Variants in ADAMTS19 observed in about 807,000 individuals in gnomAD.
The protein encoded by ADAMTS19 is A disintegrin and metalloproteinase with thrombospondin motifs 19.
ADAMTS19 carries 93 observed loss-of-function variants against 153.3 expected under a neutral mutation model. The observed-to-expected ratio is 0.61, with a 90% CI of 0.51 to 0.72. The LOEUF is 0.72. ADAMTS19 is among the 30% of genes least tolerant of loss of function. ADAMTS19 has a pLI of 0.00. For missense variants in ADAMTS19, 1,482 were observed against 1,552.1 expected (o/e 0.95, Z 0.76); for synonymous variants, 600 against 556.6 (o/e 1.08, Z -1.10).
intron 8 of ADAMTS19, among the ~76,000 whole-genome samples, chr5:129,608,304 A>G (rs1415448534): frequency 6.6e-6 from 1 of 151,738 alleles, no homozygotes; most frequent in Non-Finnish European, 1.5e-5. Context: ...AGTCAAACTC[A>G]TAGTAACAGA....
intron 10 of ADAMTS19, among the ~76,000 whole-genome samples, chr5:129,630,192 A>C (rs1752225728): frequency 6.6e-6 from 1 of 152,130 alleles, no homozygotes; most frequent in Non-Finnish European, 1.5e-5. Flanking sequence ...AATTGAAATA[A>C]AGTAATGGCA....
Position 129,716,742 on chromosome 5 carries a change from AAC to A in ADAMTS19, c.3312+12353_3312+12354del, listed in dbSNP as rs1010610574. Among the ~76,000 whole-genome samples, 196 of 152,212 alleles carry A rather than the reference AAC, an allele frequency of 1.3e-3. 1 individual carries two copies. The highest frequency in any genetic ancestry group is 4.5e-3 in the African/African-American group (189 of 41,540). ...TCCTATATTTCACCAGAATTAGAGTAACAGTTTCCTTACCTGCATACTCCTCC... is the reference window on the plus strand; with the variant it reads ...TCCTATATTTCACCAGAATTAGAGTAAGTTTCCTTACCTGCATACTCCTCC... On this transcript the variant is annotated intron_variant, in intron 21 of 22. Coordinates refer to ENST00000274487, the MANE Select transcript of ADAMTS19 (RefSeq NM_133638.6).
At chr5:129,681,109 A>G (rs1282199219) in intron 17 of ADAMTS19, among the ~76,000 whole-genome samples, 3 of 152,218 alleles carry the variant, frequency 2.0e-5, no homozygotes, top group Non-Finnish European at 4.4e-5. Context: ...ATTTGTCTTC[A>G]ATTGGAGACA....
chr5:129,608,904 G>A (rs1177651697), intron 8 of ADAMTS19, among the ~76,000 whole-genome samples: 1 of 150,604 alleles, frequency 6.6e-6, no homozygotes, highest in Non-Finnish European at 1.5e-5. Flanking sequence ...TGCATATAAA[G>A]TATATCATCT....
chr5:129,644,989 A>G (rs575962312), intron 11 of ADAMTS19, among the ~76,000 whole-genome samples: 6 of 152,218 alleles, frequency 3.9e-5, no homozygotes, highest in African/African-American at 7.2e-5. Context: ...CTTCCACAAT[A>G]TATGTACAAG....
intron 6 of ADAMTS19, among the ~76,000 whole-genome samples, chr5:129,547,528 T>C (rs1752905366): frequency 6.7e-6 from 1 of 150,122 alleles, no homozygotes; most frequent in Non-Finnish European, 1.5e-5. Context: ...ACTTTCAAAG[T>C]AGCCAAAAAA....
intron 8 of ADAMTS19, among the ~76,000 whole-genome samples, chr5:129,603,753 C>G (rs1246362627): frequency 1.3e-5 from 2 of 152,114 alleles, no homozygotes; most frequent in Non-Finnish European, 2.9e-5. Flanking sequence ...TCTGCTCCCA[C>G]CTAAAGATGG....
chr5:129,660,444 A>G (rs1753773254), intron 15 of ADAMTS19, among the ~76,000 whole-genome samples: 1 of 152,038 alleles, frequency 6.6e-6, no homozygotes, highest in Non-Finnish European at 1.5e-5. Flanking sequence ...AGCATATTAG[A>G]GTTTTTAAAG....
At chr5:129,471,624 A>T (rs1750072769) in intron 2 of ADAMTS19, among the ~76,000 whole-genome samples, 1 of 151,768 alleles carries the variant, frequency 6.6e-6, no homozygotes, top group African/African-American at 2.4e-5. Context: ...TGTGATGGGG[A>T]TTTGTTTTAC....
intron 7 of ADAMTS19, among the ~76,000 whole-genome samples, chr5:129,563,981 G>A (rs1268887557): frequency 1.3e-5 from 2 of 151,936 alleles, no homozygotes; most frequent in African/African-American, 2.4e-5. Context: ...GTGCAGTGGC[G>A]CAATCTCGGC....
At chr5:129,680,267 G>A (rs1034878240) in intron 17 of ADAMTS19, among the ~76,000 whole-genome samples, 3 of 152,096 alleles carry the variant, frequency 2.0e-5, no homozygotes, top group Admixed American at 6.6e-5. Context: ...AAATCACAGC[G>A]TTTTATATAT....
At chr5:129,662,387 G>GA (rs1175200860) in intron 15 of ADAMTS19, among the ~76,000 whole-genome samples, 1 of 152,158 alleles carries the variant, frequency 6.6e-6, no homozygotes, top group Non-Finnish European at 1.5e-5. Flanking sequence ...CTTATTTACT[G>GA]AAAGTATTTA....
At chr5:129,495,262 C>T (rs2126698745) in intron 2 of ADAMTS19, among the ~76,000 whole-genome samples, 1 of 152,116 alleles carries the variant, frequency 6.6e-6, no homozygotes. Context: ...TGCTTATAGT[C>T]TCTTATTTCA....
chr5:129,701,330 A>G, intron 19 of ADAMTS19, 58 bp from the exon 20 acceptor site: 3 of 1,577,038 alleles, frequency 1.9e-6, no homozygotes, highest in South Asian at 1.1e-5. Flanking sequence ...AGAACAGACT[A>G]ATACAAGTAG....
intron 7 of ADAMTS19, among the ~76,000 whole-genome samples, chr5:129,590,994 A>C (rs1437082354): frequency 6.6e-6 from 1 of 152,156 alleles, no homozygotes; most frequent in African/African-American, 2.4e-5. Flanking sequence ...TGATGCGGAG[A>C]TGTGCTACAT....
intron 16 of ADAMTS19, among the ~76,000 whole-genome samples, chr5:129,666,805 C>T (rs914786834): frequency 2.6e-5 from 4 of 152,160 alleles, no homozygotes; most frequent in African/African-American, 9.7e-5. Context: ...TAGACAATTT[C>T]AATACATTCA....
chr5:129,492,885 T>C (rs897084518), intron 2 of ADAMTS19, among the ~76,000 whole-genome samples: 3 of 152,296 alleles, frequency 2.0e-5, no homozygotes, highest in Middle Eastern at 6.8e-3. Context: ...TAATTGTGGA[T>C]GTTGAGATAG....
At chr5:129,517,719 C>A (rs1751659646) in intron 3 of ADAMTS19, among the ~76,000 whole-genome samples, 1 of 151,678 alleles carries the variant, frequency 6.6e-6, no homozygotes, top group East Asian at 1.9e-4. Flanking sequence ...ATCAATGGGT[C>A]TTATTTTTTC....
chr5:129,549,262 C>A (rs569866255), intron 6 of ADAMTS19, among the ~76,000 whole-genome samples: 76 of 150,666 alleles, frequency 5.0e-4, no homozygotes, highest in Non-Finnish European at 8.6e-4. Flanking sequence ...GAAATCCAAA[C>A]ATATCAATAA....
Sources: allele counts gnomAD v4.1 joint callset (sites outside exome capture counted in the v4.1 genomes callset), GRCh38; gene constraint gnomAD v4.1.1; transcripts MANE v1.5; gene names NCBI Gene and HGNC (gene_info 2026-07-23, HGNC 2026-07-21).